Variants in TRPS1 observed in about 807,000 individuals in gnomAD.
TRPS1 encodes transcriptional repressor GATA binding 1, also known as zinc finger transcription factor Trps1.
TRPS1 carries 6 observed loss-of-function variants against 101.2 expected under a neutral mutation model. The observed-to-expected ratio is 0.06, with a 90% CI of 0.03 to 0.12. The LOEUF (loss-of-function observed/expected upper bound fraction) is 0.12. TRPS1 is among the 10% of genes least tolerant of loss of function. The pLI is 1.00. For missense variants in TRPS1, 1,363 were observed against 1,567.0 expected (o/e 0.87, Z 2.20); for synonymous variants, 578 against 589.8 (o/e 0.98, Z 0.29).
chr8:115,594,703 G>C (rs1817750041), intron 4 of TRPS1, among the ~76,000 whole-genome samples: 2 of 151,702 alleles, frequency 1.3e-5, no homozygotes, highest in Admixed American at 6.6e-5. Flanking sequence ...ATGCACAATA[G>C]TCTTTATTCA....
At chr8:115,442,193 G>A (rs1327795275) in intron 5 of TRPS1, among the ~76,000 whole-genome samples, 2 of 152,072 alleles carry the variant, frequency 1.3e-5, no homozygotes. Context: ...AGGAGTCCTT[G>A]GAGAATGGAC....
chr8:115,642,863 TAA>T (rs202179972), intron 1 of TRPS1, among the ~76,000 whole-genome samples: 34,961 of 145,136 alleles, frequency 0.24, 4,422 homozygotes, highest in Admixed American at 0.3. Context: ...TATATATATA[TAA>T]ATATATATAT....
chr8:115,509,965 C>G (rs935767119), intron 5 of TRPS1, among the ~76,000 whole-genome samples: 3 of 151,988 alleles, frequency 2.0e-5, no homozygotes, highest in African/African-American at 7.2e-5. Context: ...TAGGATTAAC[C>G]TGCATGAAAC....
At chr8:115,436,403 T>A (rs1813454928) in intron 5 of TRPS1, among the ~76,000 whole-genome samples, 1 of 152,128 alleles carries the variant, frequency 6.6e-6, no homozygotes, top group Non-Finnish European at 1.5e-5. Flanking sequence ...CTAAGTGCAC[T>A]TTCTTGAGAG....
At chr8:115,453,178 A>T (rs1026390879) in intron 5 of TRPS1, among the ~76,000 whole-genome samples, 5 of 151,926 alleles carry the variant, frequency 3.3e-5, no homozygotes, top group African/African-American at 1.2e-4. Context: ...CCACCACCAC[A>T]TCCAGCTACC....
chr8:115,638,961 G>A (rs566169717), intron 1 of TRPS1, among the ~76,000 whole-genome samples: 169 of 152,280 alleles, frequency 1.1e-3, no homozygotes, highest in African/African-American at 3.9e-3. Flanking sequence ...CTAACAGGTA[G>A]CACACAAAGT....
At chr8:115,647,869 T>C (rs1811455568) in intron 1 of TRPS1, among the ~76,000 whole-genome samples, 1 of 152,100 alleles carries the variant, frequency 6.6e-6, no homozygotes, top group Non-Finnish European at 1.5e-5. Context: ...ATTTTAAATT[T>C]TTTTGTATTT....
At chr8:115,624,977 C>T (rs1009243156) in intron 1 of TRPS1, among the ~76,000 whole-genome samples, 2 of 151,556 alleles carry the variant, frequency 1.3e-5, no homozygotes, top group African/African-American at 4.8e-5. Flanking sequence ...TACATGCATA[C>T]ATTTAATGAC....
intron 5 of TRPS1, among the ~76,000 whole-genome samples, chr8:115,529,631 C>T (rs764730225): frequency 4.7e-4 from 72 of 151,912 alleles, no homozygotes; most frequent in Admixed American, 1.0e-3. Flanking sequence ...CATTTTGCAC[C>T]CCATTCATAT....
At chr8:115,628,102 A>C (rs1563655134) in intron 1 of TRPS1, among the ~76,000 whole-genome samples, 1 of 151,800 alleles carries the variant, frequency 6.6e-6, no homozygotes, top group Non-Finnish European at 1.5e-5. Context: ...TATCTCTAAA[A>C]ATGAAGGGAA....
At chr8:115,495,999 G>C (rs1815139940) in intron 5 of TRPS1, among the ~76,000 whole-genome samples, 1 of 152,008 alleles carries the variant, frequency 6.6e-6, no homozygotes, top group Non-Finnish European at 1.5e-5. Flanking sequence ...CGAATGATTT[G>C]AGTCCTCGTT....
At chr8:115,465,071 C>T (rs1814283806) in intron 5 of TRPS1, among the ~76,000 whole-genome samples, 1 of 151,992 alleles carries the variant, frequency 6.6e-6, no homozygotes, top group South Asian at 2.1e-4. Context: ...TTATTCTCTC[C>T]CACCCTAGAC....
chr8:115,433,749 A>T (rs1001798332), intron 5 of TRPS1, among the ~76,000 whole-genome samples: 10 of 152,248 alleles, frequency 6.6e-5, no homozygotes, highest in Non-Finnish European at 1.2e-4. Flanking sequence ...TACACTCTTA[A>T]TACATTAATT....
chr8:115,527,666 C>A (rs530304934), intron 5 of TRPS1, among the ~76,000 whole-genome samples: 1 of 151,978 alleles, frequency 6.6e-6, no homozygotes, highest in Non-Finnish European at 1.5e-5. Flanking sequence ...CAATTATACC[C>A]TCACTTGAAA....
intron 5 of TRPS1, among the ~76,000 whole-genome samples, chr8:115,483,511 T>A (rs1814809980): frequency 7.0e-6 from 1 of 143,322 alleles, no homozygotes; most frequent in Non-Finnish European, 1.5e-5. Flanking sequence ...CCAGCCTGGG[T>A]GACAGAGTGA....
At chr8:115,587,865 A>G (rs1817603299) in intron 4 of TRPS1, among the ~76,000 whole-genome samples, 2 of 151,666 alleles carry the variant, frequency 1.3e-5, no homozygotes, top group South Asian at 2.1e-4. Flanking sequence ...CGCATCGTGC[A>G]CGCACGCACG....
intron 5 of TRPS1, among the ~76,000 whole-genome samples, chr8:115,431,317 T>A (rs1813313265): frequency 6.6e-6 from 1 of 152,096 alleles, no homozygotes; most frequent in Non-Finnish European, 1.5e-5. Flanking sequence ...TATGTTAATG[T>A]GCATATGCAC....
chr8:115,586,321 T>A (rs940401304), intron 5 of TRPS1, among the ~76,000 whole-genome samples: 1 of 152,230 alleles, frequency 6.6e-6, no homozygotes, highest in Non-Finnish European at 1.5e-5. Flanking sequence ...TCGAGGATCT[T>A]ACCTTACTCA....
chr8:115,463,794 T>C (rs1814249313), intron 5 of TRPS1, among the ~76,000 whole-genome samples: 1 of 152,040 alleles, frequency 6.6e-6, no homozygotes, highest in Non-Finnish European at 1.5e-5. Context: ...CAGTTTTCCT[T>C]ATTTCAGAGG....
Sources: gnomAD v4.1 joint callset for allele counts (sites outside exome capture counted in the v4.1 genomes callset) on GRCh38, gnomAD v4.1.1 for gene constraint, MANE v1.5 for transcripts, NCBI Gene and HGNC (gene_info 2026-07-23, HGNC 2026-07-21) for gene names.